The following ALDH7A1 variants were observed in gnomAD, a reference collection of about 807,000 sequenced individuals.
ALDH7A1 encodes aldehyde dehydrogenase 7 family member A1.
ALDH7A1 carries 63 observed loss-of-function variants against 79.9 expected under a neutral mutation model. The observed-to-expected ratio is 0.79, with a 90% CI of 0.64 to 0.97. ALDH7A1 has a LOEUF of 0.97. Among genes scored for constraint, ALDH7A1 ranks in the 50% least tolerant of loss-of-function variants. The pLI is 0.00. For synonymous variants in ALDH7A1, 240 were observed against 231.2 expected (o/e 1.04, Z -0.34); for missense variants, 627 against 665.2 (o/e 0.94, Z 0.63).
chr5:126,574,136 G>A (rs1360235829), intron 7 of ALDH7A1, among the ~76,000 whole-genome samples: 7 of 152,018 alleles, frequency 4.6e-5, no homozygotes, highest in Non-Finnish European at 1.5e-5. Flanking sequence ...GGGCACAGTG[G>A]CTCATGCCCA....
intron 1 of ALDH7A1, 113 bp from the exon 2 acceptor site, chr5:126,593,517 A>G: frequency 6.9e-7 from 1 of 1,443,344 alleles, no homozygotes; most frequent in Non-Finnish European, 9.6e-7. Context: ...TAATACCCAA[A>G]CTCAAAAAGC....
chr5:126,594,508 G>C (rs149816961), intron 1 of ALDH7A1: 1 of 270,652 alleles, frequency 3.7e-6, no homozygotes, highest in African/African-American at 2.4e-5. Context: ...GCAATGGCAC[G>C]ATCTCGGCTC....
intron 16 of ALDH7A1, among the ~76,000 whole-genome samples, chr5:126,546,651 T>A (rs1176953724): frequency 7.0e-6 from 1 of 142,666 alleles, no homozygotes; most frequent in Non-Finnish European, 1.5e-5. Flanking sequence ...AAAGAAACGG[T>A]AAAAAAAAAA....
chr5:126,548,290 A>G (rs765668098), intron 16 of ALDH7A1, among the ~76,000 whole-genome samples: 1 of 152,046 alleles, frequency 6.6e-6, no homozygotes, highest in Non-Finnish European at 1.5e-5. Flanking sequence ...CTGGGAATAC[A>G]AGTGTGTGAC....
At chr5:126,576,572 AT>A (rs112874347) in intron 6 of ALDH7A1, among the ~76,000 whole-genome samples, 2,792 of 152,276 alleles carry the variant, frequency 0.018, 84 homozygotes, top group African/African-American at 0.055. Flanking sequence ...GAGTTGAAAA[AT>A]TTAAGACCTA....
At position 126,570,854 on chromosome 5, in the gene ALDH7A1, A is replaced by G; in HGVS notation, c.701T>C (p.Ile234Thr). ...SLISVAVTKI[I>T]AKVLEDNKLP... is the part of the protein sequence containing the mutation. ...CTTGTTGTCCTCCAGAACCTTGGCTATTATCCTAGAAAGGAAAAAGCAATT... is the reference window on the plus strand; with the variant it reads ...CTTGTTGTCCTCCAGAACCTTGGCTGTTATCCTAGAAAGGAAAAAGCAATT... The change falls in exon 8 of 18, where the codon ATA becomes ACA. Residue 234 changes from isoleucine (I) to threonine (T), a missense_variant. Physicochemically the swap from Ile to Thr is moderately conservative, Grantham distance 89. Transcript: ENST00000409134. 6.2e-7 allele frequency: 1 copy of G among 1,613,870 alleles called. No individual in the cohort carries two copies.
At chr5:126,587,364 A>G (rs7702811) in intron 3 of ALDH7A1, 105,568 of 152,064 alleles carry the variant, frequency 0.69, 38,710 homozygotes, top group East Asian at 0.95. Flanking sequence ...TTGGCCAGTC[A>G]CAGTGGCTCA....
chr5:126,576,688 G>A (rs1159615444), intron 6 of ALDH7A1, among the ~76,000 whole-genome samples: 1 of 152,154 alleles, frequency 6.6e-6, no homozygotes, highest in African/African-American at 2.4e-5. Flanking sequence ...CATTTTGGGA[G>A]GCCAAGGCAG....
At chr5:126,554,247 G>T (rs749395300) in intron 13 of ALDH7A1, 40 bp downstream of exon 13, 7 of 1,580,352 alleles carry the variant, frequency 4.4e-6, no homozygotes, top group African/African-American at 2.7e-5. Flanking sequence ...GGAAAAGAAG[G>T]TTAAAAAGCT....
At chr5:126,583,905 T>G (rs1175834054) in intron 4 of ALDH7A1, 27 bp downstream of exon 4, 2 of 1,573,650 alleles carry the variant, frequency 1.3e-6, no homozygotes. Flanking sequence ...CTCAAAGAAT[T>G]GTGTATATAC....
chr5:126,565,733 G>C (rs1170635990), intron 9 of ALDH7A1, among the ~76,000 whole-genome samples: 1 of 152,124 alleles, frequency 6.6e-6, no homozygotes, highest in African/African-American at 2.4e-5. Flanking sequence ...GAGTTTTATA[G>C]GTCTTTGATA....
intron 12 of ALDH7A1, 85 bp from the exon 13 acceptor site, chr5:126,554,478 ACCAAT>A: frequency 9.7e-7 from 1 of 1,034,384 alleles, no homozygotes; most frequent in Admixed American, 1.7e-5. Flanking sequence ...CAATGAACAG[ACCAAT>A]CCCTTCCTAT....
chr5:126,573,482 G>A (rs1047604573), intron 7 of ALDH7A1, among the ~76,000 whole-genome samples: 2 of 151,482 alleles, frequency 1.3e-5, no homozygotes, highest in African/African-American at 4.9e-5. Flanking sequence ...GGCAGATCAC[G>A]AGGTCAGGAG....
At chr5:126,578,577 T>G (rs1320911210) in intron 5 of ALDH7A1, among the ~76,000 whole-genome samples, 1 of 143,174 alleles carries the variant, frequency 7.0e-6, no homozygotes, top group Non-Finnish European at 1.5e-5. Context: ...GTATTGAGGC[T>G]GAAGTGACCT....
rs1433565408 is a variant in ALDH7A1 at position 126,544,771 on chromosome 5, T to C, written c.*194A>G. On this transcript the variant is annotated 3_prime_UTR_variant, in exon 18 of 18. Transcript: ENST00000409134. Reference sequence around the variant, plus strand: ...ACTCATCTTTTAGTAACTATGGCTATGTTGTAACAATTTTATTTTGATTTT... The same window carrying C: ...ACTCATCTTTTAGTAACTATGGCTACGTTGTAACAATTTTATTTTGATTTT... The C allele has an allele frequency of 1.7e-6, 1 of 588,976 alleles. No individual in the cohort carries two copies. The highest frequency in any genetic ancestry group is 3.0e-6 in the Non-Finnish European group (1 of 331,188). 36.5% of individuals were successfully genotyped at this position (588,976 alleles called of 1,614,324 possible). A position where few individuals can be genotyped will look rare whatever the true frequency, so the allele number is the denominator to read the frequency against.
intron 7 of ALDH7A1, among the ~76,000 whole-genome samples, chr5:126,574,299 C>A (rs1444614675): frequency 6.6e-6 from 1 of 151,892 alleles, no homozygotes; most frequent in East Asian, 1.9e-4. Flanking sequence ...ACTCGGGAGG[C>A]TGAGGCAGGA....
At chr5:126,545,472 AG>A (rs1749755011) in intron 17 of ALDH7A1, among the ~76,000 whole-genome samples, 1 of 142,544 alleles carries the variant, frequency 7.0e-6, no homozygotes, top group African/African-American at 2.5e-5. Flanking sequence ...CATGTTGGCC[AG>A]GCTGGTCTTG....
At chr5:126,554,925 A>T (rs1750135118) in intron 12 of ALDH7A1, 1 of 200,024 alleles carries the variant, frequency 5.0e-6, no homozygotes, top group Non-Finnish European at 1.0e-5. Flanking sequence ...AGGAAGATGT[A>T]GGTAGGCCTC....
intron 7 of ALDH7A1, chr5:126,571,176 T>TTTTTTTTTA (rs869167520): frequency 3.3e-5 from 10 of 305,670 alleles, no homozygotes; most frequent in African/African-American, 2.3e-4. Flanking sequence ...TTTTTTTTTT[T>TTTTTTTTTA]AGCCCTAAAA....
Sources: allele counts gnomAD v4.1 joint callset (sites outside exome capture counted in the v4.1 genomes callset), GRCh38; gene constraint gnomAD v4.1.1; transcripts MANE v1.5; gene names NCBI Gene and HGNC (gene_info 2026-07-23, HGNC 2026-07-21).